CADPS: variants seen among roughly 807,000 people sequenced by gnomAD.
CADPS encodes the protein calcium dependent secretion activator.
CADPS carries 57 observed loss-of-function variants against 167.3 expected under a neutral mutation model. The observed-to-expected ratio is 0.34, with a 90% CI of 0.28 to 0.42. The LOEUF (loss-of-function observed/expected upper bound fraction) is 0.42. CADPS is among the 20% of genes least tolerant of loss of function. The pLI is 1.00. For synonymous variants in CADPS, 676 were observed against 635.3 expected, an observed-to-expected ratio of 1.06 and a Z score of -0.96; for missense variants, 1,414 against 1,738.1, an observed-to-expected ratio of 0.81 and a Z score of 3.32.
intron 24 of CADPS, chr3:62,467,188 C>A: frequency 8.1e-6 from 3 of 368,670 alleles, no homozygotes; most frequent in South Asian, 3.8e-5. Context: ...TATATGCCAG[C>A]TCCTTGACAT....
At chr3:62,445,852 A>C (rs2057137112) in intron 26 of CADPS, 55 bp from the exon 27 acceptor site, 1 of 1,281,980 alleles carries the variant, frequency 7.8e-7, no homozygotes, top group South Asian at 1.8e-5. Flanking sequence ...TTAATTGTTC[A>C]CTGCTCAATG....
intron 1 of CADPS, among the ~76,000 whole-genome samples, chr3:62,838,929 G>A (rs2076265639): frequency 6.6e-6 from 1 of 152,132 alleles, no homozygotes; most frequent in Non-Finnish European, 1.5e-5. Flanking sequence ...CTTTGCTCCA[G>A]GCTCTGGGCA....
intron 26 of CADPS, among the ~76,000 whole-genome samples, chr3:62,454,984 A>G (rs988013320): frequency 1.3e-5 from 2 of 151,984 alleles, no homozygotes; most frequent in Non-Finnish European, 2.9e-5. Flanking sequence ...CAAGGAAATG[A>G]TCTCTATTAA....
At chr3:62,707,404 G>A (rs1344523181) in intron 3 of CADPS, among the ~76,000 whole-genome samples, 2 of 152,082 alleles carry the variant, frequency 1.3e-5, no homozygotes, top group East Asian at 3.9e-4. Flanking sequence ...CACTGTTTTA[G>A]GGGGACAAAA....
At chr3:62,610,512 A>G (rs2061362260) in intron 6 of CADPS, among the ~76,000 whole-genome samples, 1 of 152,110 alleles carries the variant, frequency 6.6e-6, no homozygotes, top group Non-Finnish European at 1.5e-5. Context: ...CGGCCTCCCA[A>G]AGTGTTAGGA....
chr3:62,714,627 A>G (rs1178369208), intron 3 of CADPS, among the ~76,000 whole-genome samples: 2 of 152,212 alleles, frequency 1.3e-5, no homozygotes, highest in African/African-American at 2.4e-5. Flanking sequence ...CTCACTTAGA[A>G]GGGCAGAAAA....
At chr3:62,786,637 C>T (rs887488568) in intron 1 of CADPS, among the ~76,000 whole-genome samples, 4 of 151,864 alleles carry the variant, frequency 2.6e-5, no homozygotes, top group East Asian at 1.9e-4. Flanking sequence ...AGAGTGAGAA[C>T]CTGTCCCTAC....
chr3:62,635,732 T>C (rs1335590360), intron 6 of CADPS, among the ~76,000 whole-genome samples: 1 of 151,868 alleles, frequency 6.6e-6, no homozygotes, highest in African/African-American at 2.4e-5. Context: ...GATGGAGAGA[T>C]CTGCACTATA....
Position 62,399,253 on chromosome 3 carries a change from A to G in CADPS, c.*153T>C, listed in dbSNP as rs966055708. 6.2e-6 allele frequency: 4 copies of G among 646,834 alleles called. No individual in the cohort carries two copies. In the African/African-American group the frequency reaches 7.3e-5, roughly 12 times the overall value. The allele number at this position is 646,834 out of a possible 1,614,324, so 40.1% of individuals were successfully genotyped here. On this transcript the variant is annotated 3_prime_UTR_variant, in exon 30 of 30. Transcript: ENST00000383710. This position sits in a 1 kb window ranked among gnomAD's most constrained non-coding sequence, Gnocchi z 5.6. ...CAGTGGATATGAAGGTCATTTGCTA[A>G]TCTTGGTACCACATAGCTAAAATGG... is the stretch of plus-strand genomic sequence containing the variant.
intron 3 of CADPS, among the ~76,000 whole-genome samples, chr3:62,682,219 G>C (rs957345141): frequency 5.3e-5 from 8 of 152,010 alleles, no homozygotes; most frequent in African/African-American, 1.7e-4. Context: ...ATCAAAGAAA[G>C]AACTCCACTT....
chr3:62,773,219 T>G (rs1377563278), intron 1 of CADPS, among the ~76,000 whole-genome samples: 1 of 152,124 alleles, frequency 6.6e-6, no homozygotes, highest in Non-Finnish European at 1.5e-5. Flanking sequence ...GACTAAATAT[T>G]TTCTACTCTA....
chr3:62,829,223 G>A (rs79233893), intron 1 of CADPS, among the ~76,000 whole-genome samples: 7,685 of 151,770 alleles, frequency 0.051, 256 homozygotes, highest in Non-Finnish European at 0.072. Context: ...ACCAACCATG[G>A]ATCAAAAATA....
At chr3:62,667,146 C>A (rs1294241227) in intron 3 of CADPS, among the ~76,000 whole-genome samples, 1 of 151,686 alleles carries the variant, frequency 6.6e-6, no homozygotes, top group African/African-American at 2.4e-5. Context: ...GATACCTACC[C>A]TGGCATGTTA....
intron 6 of CADPS, among the ~76,000 whole-genome samples, chr3:62,636,108 A>G (rs537192096): frequency 2.5e-4 from 38 of 152,298 alleles, no homozygotes; most frequent in South Asian, 4.1e-4. Flanking sequence ...TAAGAATAAC[A>G]TCTCTTACAT....
chr3:62,860,806 C>T (rs1278611762), intron 1 of CADPS, among the ~76,000 whole-genome samples: 1 of 152,168 alleles, frequency 6.6e-6, no homozygotes, highest in East Asian at 1.9e-4. Flanking sequence ...TACATGTGGT[C>T]CATACAATAA....
At chr3:62,609,402 C>T (rs1416316353) in intron 6 of CADPS, among the ~76,000 whole-genome samples, 12 of 152,134 alleles carry the variant, frequency 7.9e-5, no homozygotes, top group South Asian at 2.1e-4. Flanking sequence ...TCTGTTTTAC[C>T]TTTTAAGGTT....
rs1384667172 is a variant in CADPS at position 62,851,582 on chromosome 3, T to A, written c.441+23007A>T. ...ATTCTGGGTTGAAAATTCTTTTCTT[T>A]AAGAATGTTGAATATTGGCCCCCAC... On this transcript the variant is annotated intron_variant, in intron 1 of 29. Coordinates refer to ENST00000383710, the MANE Select transcript of CADPS (RefSeq NM_003716.4). Among the ~76,000 whole-genome samples, 62 of 142,978 alleles carry A rather than the reference T, an allele frequency of 4.3e-4. 1 individual carries two copies. The highest frequency in any genetic ancestry group is 6.4e-4 in the East Asian group (3 of 4,696). The allele number at this position is 142,978 out of a possible 152,430, so 93.8% of individuals were successfully genotyped here. A position where few individuals can be genotyped will look rare whatever the true frequency, so the allele number is the denominator to read the frequency against.
At chr3:62,770,776 A>G (rs1336367620) in intron 1 of CADPS, among the ~76,000 whole-genome samples, 3 of 152,172 alleles carry the variant, frequency 2.0e-5, no homozygotes, top group South Asian at 4.1e-4. Flanking sequence ...AAACTTTCGT[A>G]TCAAGATAAA....
chr3:62,765,636 A>G (rs1276826290), intron 2 of CADPS, among the ~76,000 whole-genome samples: 1 of 152,212 alleles, frequency 6.6e-6, no homozygotes, highest in East Asian at 1.9e-4. Context: ...TGTATGAAAA[A>G]CACTCAGTAT....
Sources: allele counts gnomAD v4.1 joint callset (sites outside exome capture counted in the v4.1 genomes callset), GRCh38; gene constraint gnomAD v4.1.1; non-coding constraint Gnocchi (gnomAD v3.1); transcripts MANE v1.5; gene names NCBI Gene and HGNC (gene_info 2026-07-23, HGNC 2026-07-21).